SYK: variants seen among roughly 807,000 people sequenced by gnomAD.
SYK encodes the protein tyrosine-protein kinase SYK.
SYK carries 16 observed loss-of-function variants against 77.8 expected under a neutral mutation model. That is an observed-to-expected ratio of 0.21 (90% CI 0.14 to 0.31). The LOEUF is 0.31. Among genes scored for constraint, SYK ranks in the 10% least tolerant of loss-of-function variants. The pLI is 1.00. For synonymous variants in SYK, 312 were observed against 308.7 expected (o/e 1.01, Z -0.11); for missense variants, 529 against 814.4 (o/e 0.65, Z 4.26).
rs568400884 is a variant in SYK, at chr9:90,841,789, A to G, written c.-41-2069A>G. ...GATGTGTGTAGTACATGGTGTGTGTAGTGTGTTATGTGTGTAGTGTGTTGT... is the reference window on the plus strand; with the variant it reads ...GATGTGTGTAGTACATGGTGTGTGTGGTGTGTTATGTGTGTAGTGTGTTGT... On this transcript the variant is annotated intron_variant, in intron 1 of 13. Coordinates refer to ENST00000375754, the MANE Select transcript of SYK (RefSeq NM_003177.7). Among the ~76,000 whole-genome samples, 265 of 140,050 alleles carry G rather than the reference A, an allele frequency of 1.9e-3. 2 individuals carry two copies. The highest frequency in any genetic ancestry group is 1.7e-3 in the Non-Finnish European group (107 of 64,638). 91.9% of individuals were successfully genotyped at this position (140,050 alleles called of 152,430 possible).
At chr9:90,803,163 C>T (rs137972288) in intron 1 of SYK, among the ~76,000 whole-genome samples, 199 of 152,200 alleles carry the variant, frequency 1.3e-3, no homozygotes, top group African/African-American at 4.5e-3. Flanking sequence ...TTGTTCTGAA[C>T]GGCACTTTTG....
chr9:90,876,319 A>G (rs1468398681), intron 9 of SYK, among the ~76,000 whole-genome samples: 3 of 149,810 alleles, frequency 2.0e-5, no homozygotes, highest in Non-Finnish European at 4.4e-5. Context: ...AAGAAAGAAA[A>G]AAGAAATGCT....
rs1408909640 is a variant in SYK, at chr9:90,878,767, T to C, written c.1395T>C (p.His465=). 1.9e-6 allele frequency: 3 copies of C among 1,604,190 alleles called. No individual in the cohort carries two copies. The highest frequency in any genetic ancestry group is 2.7e-5 in the African/African-American group (2 of 74,820). The change falls in exon 11 of 14, where the codon CAT becomes CAC. Residue 465 remains histidine, a synonymous_variant. Coordinates refer to ENST00000375754, the MANE Select transcript of SYK (RefSeq NM_003177.7). Reference sequence around the variant, plus strand: ...ATGAGATCATTATGACTTTCAGACATGTCAAGGATAAGAACATCATAGAAC... The same window carrying C: ...ATGAGATCATTATGACTTTCAGACACGTCAAGGATAAGAACATCATAGAAC... ...PLNKYLQQNR[H]VKDKNIIELV...
At chr9:90,812,696 C>T (rs10993696) in intron 1 of SYK, among the ~76,000 whole-genome samples, 17,364 of 151,232 alleles carry the variant, frequency 0.11, 1,007 homozygotes, top group East Asian at 0.17. Context: ...GTGCCTTTGA[C>T]TGCAAAGACA....
chr9:90,817,207 C>A (rs1825322181), intron 1 of SYK, among the ~76,000 whole-genome samples: 1 of 152,196 alleles, frequency 6.6e-6, no homozygotes, highest in Admixed American at 6.5e-5. Context: ...CATCCCTGCT[C>A]TAGAGGTTCC....
rs900942352 is a variant in SYK at position 90,896,986 on chromosome 9, C to T, written c.*1386C>T. Reference sequence around the variant, plus strand: ...AGGTCGCAGTGAGCCAAGATCATGCCACTGCACTCCAGCTTGGGCATCACA... The same window carrying T: ...AGGTCGCAGTGAGCCAAGATCATGCTACTGCACTCCAGCTTGGGCATCACA... On this transcript the variant is annotated 3_prime_UTR_variant, in exon 14 of 14. Transcript: ENST00000375754. 24 of 203,500 alleles carry T rather than the reference C, an allele frequency of 1.2e-4. No individual in the cohort carries two copies. Among genetic ancestry groups the T allele is most frequent in the African/African-American group, 5.3e-4 (23 of 43,664 alleles). The allele number at this position is 203,500 out of a possible 1,614,324, so 12.6% of individuals were successfully genotyped here. A position where few individuals can be genotyped will look rare whatever the true frequency, so the allele number is the denominator to read the frequency against.
chr9:90,887,095 G>T (rs1009000488), intron 11 of SYK, among the ~76,000 whole-genome samples: 2 of 152,200 alleles, frequency 1.3e-5, no homozygotes, highest in African/African-American at 4.8e-5. Flanking sequence ...CTGTGTAAAT[G>T]AAGAGGATAT....
At chr9:90,839,388 C>T (rs1826209272) in intron 1 of SYK, among the ~76,000 whole-genome samples, 3 of 152,140 alleles carry the variant, frequency 2.0e-5, no homozygotes, top group Non-Finnish European at 2.9e-5. Flanking sequence ...CTGAGTGCAG[C>T]ACATTCTTCT....
intron 1 of SYK, among the ~76,000 whole-genome samples, chr9:90,813,326 C>T (rs1268820971): frequency 2.0e-5 from 3 of 152,126 alleles, no homozygotes; most frequent in Non-Finnish European, 4.4e-5. Flanking sequence ...CAGCCACCTC[C>T]ATCAGCACTG....
chr9:90,861,881 G>T (rs1421458791), intron 3 of SYK, among the ~76,000 whole-genome samples: 1 of 152,186 alleles, frequency 6.6e-6, no homozygotes, highest in African/African-American at 2.4e-5. Flanking sequence ...AAGCGTCACT[G>T]CTACTGAGCA....
intron 1 of SYK, among the ~76,000 whole-genome samples, chr9:90,835,042 G>A (rs1826019854): frequency 6.6e-6 from 1 of 152,194 alleles, no homozygotes; most frequent in African/African-American, 2.4e-5. Context: ...GGCCAGGGAT[G>A]CTGCTCAATA....
rs1827996478 is a variant in SYK, at chr9:90,877,713, G to A, written c.1324G>A (p.Glu442Lys). The stretch of plus-strand genomic sequence containing the variant: ...GCGGATGATCGGGATATGCGAGGCC[G>A]AGTCCTGGATGCTGGTTATGGAGAT... ...IVRMIGICEA[E>K]SWMLVMEMAE... The change falls in exon 10 of 14, where the codon GAG (glutamate) becomes AAG (lysine). Residue 442 changes from glutamate (E) to lysine (K), a missense_variant. Around this residue, in one of 2 missense-constraint regions of SYK, gnomAD observed 208 missense variants for 381.3 expected, o/e 0.55. Transcript: ENST00000375754. 4 of 1,614,236 alleles carry A rather than the reference G, an allele frequency of 2.5e-6. No individual in the cohort carries two copies. Among genetic ancestry groups the A allele is most frequent in the Non-Finnish European group, 3.4e-6 (4 of 1,180,032 alleles).
intron 3 of SYK, among the ~76,000 whole-genome samples, chr9:90,846,998 A>G (rs1826623667): frequency 6.6e-6 from 1 of 152,248 alleles, no homozygotes; most frequent in Admixed American, 6.5e-5. Flanking sequence ...TCTGCTGGTT[A>G]AGAAGCCTGC....
intron 1 of SYK, among the ~76,000 whole-genome samples, chr9:90,841,366 A>G (rs1277179284): frequency 1.6e-5 from 1 of 64,144 alleles, no homozygotes; most frequent in Non-Finnish European, 3.5e-5. Context: ...TACTGTGTGT[A>G]GTATGTGTGC....
At chr9:90,851,406 T>C (rs894227813) in intron 3 of SYK, among the ~76,000 whole-genome samples, 6 of 152,186 alleles carry the variant, frequency 3.9e-5, no homozygotes, top group Non-Finnish European at 8.8e-5. Flanking sequence ...ATAACGAATA[T>C]AAACAGAGGC....
At position 90,864,682 on chromosome 9, in the gene SYK, C is replaced by T; in HGVS notation, c.796+15C>T. 1.9e-6 allele frequency: 3 copies of T among 1,608,210 alleles called. No homozygotes were observed. The highest frequency in any genetic ancestry group is 2.6e-6 in the Non-Finnish European group (3 of 1,174,614). Reference sequence around the variant, plus strand: ...CGGCACACAGGGTGAGTTCCCAAGACACTGGAGTCTCAGTGTTTGAGGTAT... The same window carrying T: ...CGGCACACAGGGTGAGTTCCCAAGATACTGGAGTCTCAGTGTTTGAGGTAT... On this transcript the variant is annotated intron_variant, in intron 5 of 13. Transcript: ENST00000375754.
intron 11 of SYK, among the ~76,000 whole-genome samples, chr9:90,880,880 T>C (rs989355802): frequency 1.3e-5 from 2 of 152,234 alleles, no homozygotes; most frequent in South Asian, 4.1e-4. Context: ...TGGAGACCTC[T>C]GCGGGGCTGT....
chr9:90,831,543 G>A, intron 1 of SYK, among the ~76,000 whole-genome samples: 1 of 152,192 alleles, frequency 6.6e-6, no homozygotes, highest in East Asian at 1.9e-4. Context: ...GGATGAGGTT[G>A]GGTCTTTTCA....
chr9:90,842,690 G>C (rs1180622808), intron 1 of SYK, among the ~76,000 whole-genome samples: 1 of 151,398 alleles, frequency 6.6e-6, no homozygotes, highest in Non-Finnish European at 1.5e-5. Context: ...TGGTGTGTGT[G>C]TAGTGCAGGT....
Sources: allele counts gnomAD v4.1 joint callset (sites outside exome capture counted in the v4.1 genomes callset), GRCh38; gene constraint gnomAD v4.1.1; regional missense constraint gnomAD v4.1.1; transcripts MANE v1.5; gene names NCBI Gene and HGNC (gene_info 2026-07-23, HGNC 2026-07-21).